Variants in NELL1 observed in about 807,000 individuals in gnomAD.
NELL1 encodes neural EGFL like 1, also known as protein kinase C-binding protein NELL1.
In NELL1, 76 loss-of-function variants were observed where a neutral mutation model predicts 107.4. The ratio of observed to expected loss-of-function variants is 0.71; its 90% CI spans 0.59 to 0.86. The LOEUF is 0.86. Among genes scored for constraint, NELL1 ranks in the 40% least tolerant of loss-of-function variants. The probability of loss-of-function intolerance (pLI) is 0.00; values close to 1 mark genes in which losing one functional copy is unlikely to be tolerated. For synonymous variants in NELL1, 353 were observed against 341.2 expected (o/e 1.03, Z -0.38); for missense variants, 1,024 against 1,005.5 (o/e 1.02, Z -0.25).
intron 12 of NELL1, among the ~76,000 whole-genome samples, chr11:21,042,502 T>C (rs780591993): frequency 3.3e-5 from 5 of 152,158 alleles, no homozygotes; most frequent in Non-Finnish European, 5.9e-5. Flanking sequence ...GCAGTATCCA[T>C]TGAAAGAGTC....
At chr11:21,121,840 G>A (rs960493007) in intron 13 of NELL1, among the ~76,000 whole-genome samples, 3 of 152,070 alleles carry the variant, frequency 2.0e-5, no homozygotes, top group African/African-American at 2.4e-5. Flanking sequence ...AAAATTCATC[G>A]AAAGTTTGTT....
intron 12 of NELL1, among the ~76,000 whole-genome samples, chr11:20,986,078 A>T (rs1360869928): frequency 6.6e-6 from 1 of 152,080 alleles, no homozygotes; most frequent in East Asian, 1.9e-4. Flanking sequence ...GCTCACAGGC[A>T]CTTTGGAGAC....
chr11:20,882,822 G>T (rs979024345), intron 4 of NELL1, among the ~76,000 whole-genome samples: 1 of 152,058 alleles, frequency 6.6e-6, no homozygotes, highest in Non-Finnish European at 1.5e-5. Context: ...CCCATCTTGC[G>T]TATAGCTTTT....
At chr11:21,183,653 C>T (rs988089247) in intron 13 of NELL1, among the ~76,000 whole-genome samples, 1 of 151,846 alleles carries the variant, frequency 6.6e-6, no homozygotes, top group Non-Finnish European at 1.5e-5. Flanking sequence ...GATTTTCACT[C>T]GTATTTCAAG....
chr11:21,000,752 G>GAT (rs1852199550), intron 12 of NELL1: 1 of 152,214 alleles, frequency 6.6e-6, no homozygotes, highest in African/African-American at 2.4e-5. Context: ...TATGCAGCAG[G>GAT]ATGTTAAAAT....
rs993931465 is a variant in NELL1 at position 20,937,799 on chromosome 11, T to C, written c.1011T>C (p.Tyr337=). ...CCKVCRPKCI[Y]GGKVLAEGQR... ...GTTTTATTACAGCAAAATGTATCTA[T>C]GGAGGAAAAGTTCTTGCAGAAGGCC... The change falls in exon 10 of 20, where the codon TAT becomes TAC. Residue 337 remains tyrosine (Y), a synonymous_variant. Transcript: ENST00000357134. The C allele has an allele frequency of 1.2e-6, 2 of 1,613,898 alleles. No individual in the cohort carries two copies. The highest frequency in any genetic ancestry group is 1.7e-6 in the Non-Finnish European group (2 of 1,179,908).
rs146375213 is a variant in NELL1, at chr11:21,233,592, T to C, written c.1549+4138T>C. Among the ~76,000 whole-genome samples, 52 of 152,360 alleles carry C rather than the reference T, an allele frequency of 3.4e-4. 1 individual carries two copies. In the East Asian group the frequency reaches 9.8e-3, roughly 29 times the overall value. On this transcript the variant is annotated intron_variant, in intron 14 of 19. Transcript: ENST00000357134. ...ATATTTAATAAATAGACTAAAGTCA[T>C]TCTGAAACTATACAATATGTTTTGC...
At chr11:21,304,857 C>A (rs1283888359) in intron 14 of NELL1, among the ~76,000 whole-genome samples, 1 of 151,888 alleles carries the variant, frequency 6.6e-6, no homozygotes, top group Non-Finnish European at 1.5e-5. Context: ...ATATGATGCA[C>A]ACTTTTTAAA....
intron 13 of NELL1, among the ~76,000 whole-genome samples, chr11:21,148,038 G>A (rs1196742294): frequency 6.6e-6 from 1 of 152,050 alleles, no homozygotes; most frequent in Admixed American, 6.6e-5. Context: ...CCTGGGGCAG[G>A]CCAGCTATGT....
At chr11:21,287,805 T>G (rs779243348) in intron 14 of NELL1, among the ~76,000 whole-genome samples, 8 of 152,152 alleles carry the variant, frequency 5.3e-5, no homozygotes, top group Middle Eastern at 6.8e-3. Flanking sequence ...GCTCTCTATA[T>G]ACACTATCTA....
intron 2 of NELL1, among the ~76,000 whole-genome samples, chr11:20,754,883 TA>T (rs1336892856): frequency 6.6e-6 from 1 of 152,242 alleles, no homozygotes; most frequent in Non-Finnish European, 1.5e-5. Flanking sequence ...GCCTTAATGT[TA>T]GCCTGTGGAT....
At chr11:21,323,377 C>G (rs1189103017) in intron 14 of NELL1, among the ~76,000 whole-genome samples, 1 of 152,056 alleles carries the variant, frequency 6.6e-6, no homozygotes, top group Non-Finnish European at 1.5e-5. Flanking sequence ...ATAATAAGGA[C>G]AGGGGAGAAG....
chr11:20,876,996 A>G (rs7118349), intron 4 of NELL1, among the ~76,000 whole-genome samples: 1 of 152,262 alleles, frequency 6.6e-6, no homozygotes, highest in Non-Finnish European at 1.5e-5. Context: ...CATTTTTCTT[A>G]TGAGGCTAAG....
chr11:20,730,302 ATGG>A (rs1564883684), intron 2 of NELL1, among the ~76,000 whole-genome samples: 1 of 152,170 alleles, frequency 6.6e-6, no homozygotes. Context: ...TTAACAGTCC[ATGG>A]AGAAGCATCA....
intron 13 of NELL1, among the ~76,000 whole-genome samples, chr11:21,209,703 G>A (rs1471398883): frequency 6.6e-6 from 1 of 151,998 alleles, no homozygotes; most frequent in African/African-American, 2.4e-5. Flanking sequence ...TCTGGTTTTA[G>A]AACATTTCTT....
intron 2 of NELL1, among the ~76,000 whole-genome samples, chr11:20,732,705 T>A (rs1035951070): frequency 6.6e-6 from 1 of 151,746 alleles, no homozygotes; most frequent in African/African-American, 2.4e-5. Flanking sequence ...CAGTTTGACA[T>A]GAGTAATGAG....
At chr11:21,146,749 G>A (rs1791810) in intron 13 of NELL1, among the ~76,000 whole-genome samples, 109,865 of 152,038 alleles carry the variant, frequency 0.72, 39,998 homozygotes, top group African/African-American at 0.79. Context: ...TCATCTAGAT[G>A]AGTATCACTT....
rs76765552 is a variant in NELL1 at position 21,426,026 on chromosome 11, G to C, written c.1645+55078G>C. On this transcript the variant is annotated intron_variant, in intron 15 of 19. Coordinates refer to ENST00000357134, the MANE Select transcript of NELL1 (RefSeq NM_006157.5). ...CTGGAAGTCAGAAGTGGGAAGATTT[G>C]ACATTTTTAAACTCTGTTTATCTAT... Among the ~76,000 whole-genome samples, 2,820 of 152,228 alleles carry C rather than the reference G, an allele frequency of 0.019. 247 individuals carry two copies. The East Asian group carries it at 0.27, about 15-fold the overall frequency.
chr11:20,691,339 A>T (rs1237396299), intron 2 of NELL1, among the ~76,000 whole-genome samples: 1 of 150,948 alleles, frequency 6.6e-6, no homozygotes, highest in African/African-American at 2.5e-5. Context: ...GAGTGGTGAG[A>T]GAGGGCATCC....
Sources: allele counts gnomAD v4.1 joint callset (sites outside exome capture counted in the v4.1 genomes callset), GRCh38; gene constraint gnomAD v4.1.1; transcripts MANE v1.5; gene names NCBI Gene and HGNC (gene_info 2026-07-23, HGNC 2026-07-21).